Variants in EBF2 observed in about 807,000 individuals in gnomAD.
The protein encoded by EBF2 is transcription factor COE2.
In EBF2, 21 loss-of-function variants were observed where a neutral mutation model predicts 72.8. The observed-to-expected ratio is 0.29, with a 90% CI of 0.20 to 0.42. EBF2 has a LOEUF of 0.42. Ranked by LOEUF, EBF2 falls within the 10% of genes least tolerant of loss-of-function variation. The pLI is 1.00. For synonymous variants in EBF2, 299 were observed against 274.2 expected, an observed-to-expected ratio of 1.09 and a Z score of -0.89; for missense variants, 637 against 731.2, an observed-to-expected ratio of 0.87 and a Z score of 1.49.
At chr8:26,040,213 G>C (rs1271168507) in intron 4 of EBF2, 112 bp from the exon 5 acceptor site, 3 of 1,160,152 alleles carry the variant, frequency 2.6e-6, no homozygotes, top group Non-Finnish European at 3.8e-6. Flanking sequence ...ACCTGCCACC[G>C]CATTAGGAAT....
intron 6 of EBF2, among the ~76,000 whole-genome samples, chr8:25,960,529 C>T (rs914698689): frequency 4.6e-5 from 7 of 152,264 alleles, no homozygotes; most frequent in Middle Eastern, 3.4e-3. Flanking sequence ...ATTGTAGAGG[C>T]GCCATTGGTT....
At chr8:25,860,517 G>A (rs1055589776) in intron 13 of EBF2, among the ~76,000 whole-genome samples, 6 of 139,530 alleles carry the variant, frequency 4.3e-5, no homozygotes, top group South Asian at 2.2e-4. Context: ...ACAGGTTCTC[G>A]CTCTGTTGCC....
At chr8:25,921,123 G>A (rs1173752362) in intron 6 of EBF2, among the ~76,000 whole-genome samples, 1 of 152,120 alleles carries the variant, frequency 6.6e-6, no homozygotes, top group Non-Finnish European at 1.5e-5. Context: ...GTAGCAGTTG[G>A]TACCTATGGA....
At chr8:25,849,541 C>T (rs1408861827) in intron 15 of EBF2, among the ~76,000 whole-genome samples, 1 of 152,088 alleles carries the variant, frequency 6.6e-6, no homozygotes, top group Non-Finnish European at 1.5e-5. Context: ...TTTACCCAAC[C>T]CTGCTTGTTG....
At chr8:25,922,921 T>C (rs1803327916) in intron 6 of EBF2, among the ~76,000 whole-genome samples, 1 of 149,202 alleles carries the variant, frequency 6.7e-6, no homozygotes, top group African/African-American at 2.5e-5. Flanking sequence ...GGTTTCTCCC[T>C]ACACAGTGAA....
chr8:26,036,643 A>G (rs1805506060), intron 5 of EBF2, among the ~76,000 whole-genome samples: 1 of 152,130 alleles, frequency 6.6e-6, no homozygotes, highest in Non-Finnish European at 1.5e-5. Flanking sequence ...AGCACAAGCA[A>G]TGGGAAGTGG....
chr8:26,033,225 G>C, intron 5 of EBF2, 72 bp from the exon 6 acceptor site: 2 of 1,468,702 alleles, frequency 1.4e-6, no homozygotes, highest in East Asian at 2.3e-5. Flanking sequence ...CACATGACAA[G>C]AACATTTTTT....
In EBF2 at chr8:26,010,328, C is replaced by T. The variant is rs549076636; in HGVS notation, c.551+22757G>A. On this transcript the variant is annotated intron_variant, in intron 6 of 15. Transcript: ENST00000520164. ...AGTGGCTGCTCACTGCTCCACAGAC[C>T]GAAAGGAAACTCCTTTCAGGGGCCC... Among the ~76,000 whole-genome samples, 605 of 152,326 alleles carry T rather than the reference C, an allele frequency of 4.0e-3. 4 individuals are homozygous for T. Among genetic ancestry groups the T allele is most frequent in the Middle Eastern group, 0.017 (5 of 294 alleles).
intron 2 of EBF2, among the ~76,000 whole-genome samples, chr8:26,041,868 G>A (rs954656487): frequency 2.6e-5 from 4 of 152,176 alleles, no homozygotes; most frequent in African/African-American, 9.7e-5. Flanking sequence ...AGGCCTCCAG[G>A]CTCGGTGCGC....
At chr8:25,900,226 C>A (rs930366174) in intron 7 of EBF2, among the ~76,000 whole-genome samples, 4 of 152,144 alleles carry the variant, frequency 2.6e-5, no homozygotes, top group Non-Finnish European at 5.9e-5. Context: ...GAAGCCAAGG[C>A]GAGTGAATCA....
At chr8:25,898,530 C>T (rs1411970247) in intron 7 of EBF2, among the ~76,000 whole-genome samples, 2 of 151,968 alleles carry the variant, frequency 1.3e-5, no homozygotes, top group South Asian at 2.1e-4. Context: ...AATGTCTCTT[C>T]ATCTTAAAGG....
intron 6 of EBF2, among the ~76,000 whole-genome samples, chr8:26,006,475 T>C (rs937480259): frequency 2.6e-5 from 4 of 152,348 alleles, no homozygotes; most frequent in Non-Finnish European, 5.9e-5. Context: ...TCTTTGCTAT[T>C]CTAGATAATA....
intron 6 of EBF2, among the ~76,000 whole-genome samples, chr8:25,955,176 C>A (rs1466686814): frequency 6.6e-6 from 1 of 152,222 alleles, no homozygotes; most frequent in Non-Finnish European, 1.5e-5. Flanking sequence ...CCTGGCTGGG[C>A]CCACAGACAA....
intron 13 of EBF2, among the ~76,000 whole-genome samples, chr8:25,859,738 A>G (rs1357229132): frequency 7.0e-6 from 1 of 143,740 alleles, no homozygotes; most frequent in Admixed American, 7.9e-5. Flanking sequence ...TTTTTTTGAG[A>G]CAAGATCTCA....
chr8:25,969,144 C>A (rs975989200), intron 6 of EBF2, among the ~76,000 whole-genome samples: 1 of 152,154 alleles, frequency 6.6e-6, no homozygotes, highest in Admixed American at 6.5e-5. Flanking sequence ...TTTCTTAAGA[C>A]ATCTCAAAGT....
intron 6 of EBF2, among the ~76,000 whole-genome samples, chr8:26,008,208 A>G (rs1292940946): frequency 1.3e-5 from 2 of 152,194 alleles, no homozygotes; most frequent in African/African-American, 4.8e-5. Flanking sequence ...CTCCTCGGCT[A>G]TAAGTACAAG....
intron 6 of EBF2, among the ~76,000 whole-genome samples, chr8:25,936,796 A>G (rs529375257): frequency 6.6e-6 from 1 of 152,344 alleles, no homozygotes; most frequent in South Asian, 2.1e-4. Context: ...TCCTAAAAGT[A>G]TATATAAGAA....
At chr8:26,035,448 C>A (rs1805485435) in intron 5 of EBF2, among the ~76,000 whole-genome samples, 1 of 152,152 alleles carries the variant, frequency 6.6e-6, no homozygotes, top group Non-Finnish European at 1.5e-5. Flanking sequence ...CCATGCCAAG[C>A]CCCAGTCCTA....
intron 6 of EBF2, among the ~76,000 whole-genome samples, chr8:25,918,978 T>A (rs1803267872): frequency 6.6e-6 from 1 of 152,168 alleles, no homozygotes; most frequent in Admixed American, 6.5e-5. Context: ...GCTCCTTTGA[T>A]GGTATTTGGA....
Sources: gnomAD v4.1 joint callset for allele counts (sites outside exome capture counted in the v4.1 genomes callset) on GRCh38, gnomAD v4.1.1 for gene constraint, MANE v1.5 for transcripts, NCBI Gene and HGNC (gene_info 2026-07-23, HGNC 2026-07-21) for gene names.